PREP: variants seen among roughly 807,000 people sequenced by gnomAD.
The protein encoded by PREP is dJ355L5.1 (prolyl endopeptidase).
Under a neutral mutation model 87.6 loss-of-function variants are expected in PREP, and 29 were observed. That is an observed-to-expected ratio of 0.33 (90% CI 0.25 to 0.45). The LOEUF is 0.45. Ranked by LOEUF, PREP falls within the 20% of genes least tolerant of loss-of-function variation. The pLI is 1.00. For missense variants in PREP, 695 were observed against 886.5 expected (o/e 0.78, Z 2.74); for synonymous variants, 337 against 328.6 (o/e 1.03, Z -0.28).
At chr6:105,391,034 T>TACACACACACACACACACAC (rs59538588) in intron 2 of PREP, among the ~76,000 whole-genome samples, 15 of 141,340 alleles carry the variant, frequency 1.1e-4, no homozygotes, top group African/African-American at 3.9e-4. Flanking sequence ...TCTGGTTTTA[T>TACACACACACACACACACAC]ACACACACAC....
intron 10 of PREP, among the ~76,000 whole-genome samples, chr6:105,321,684 C>G (rs1317543562): frequency 6.6e-6 from 1 of 152,118 alleles, no homozygotes; most frequent in Non-Finnish European, 1.5e-5. Context: ...GAGATATTTC[C>G]CTGGAAGAAG....
At chr6:105,284,536 CT>C (rs1770149839) in intron 12 of PREP, among the ~76,000 whole-genome samples, 1 of 152,100 alleles carries the variant, frequency 6.6e-6, no homozygotes, top group Non-Finnish European at 1.5e-5. Context: ...GAGGAGACCC[CT>C]CTCACCTGGA....
chr6:105,373,523 G>T lies in PREP; in HGVS notation c.441C>A (p.Gly147=). The change falls in exon 5 of 15, where the codon GGC becomes GGA. Residue 147 remains glycine, a synonymous_variant. Transcript: ENST00000652536. The part of the protein sequence containing the change: ...EYFAYGLSAS[G]SDWVTIKFMK... ...TGAACTTGATTGTCACCCAGTCTGA[G>T]CCACTGGCACTCAGACCATAGGCAA... is the stretch of plus-strand genomic sequence containing the variant. The T allele has an allele frequency of 6.2e-7, 1 of 1,614,216 alleles. No homozygotes were observed.
At chr6:105,360,648 TAACTC>T (rs1415929206) in intron 6 of PREP, among the ~76,000 whole-genome samples, 6 of 152,350 alleles carry the variant, frequency 3.9e-5, no homozygotes, top group African/African-American at 7.2e-5. Flanking sequence ...ATTTTATACT[TAACTC>T]TATTAGGTTC....
chr6:105,367,597 G>A (rs1202847656), intron 6 of PREP, among the ~76,000 whole-genome samples: 2 of 151,232 alleles, frequency 1.3e-5, no homozygotes, highest in Admixed American at 6.6e-5. Context: ...GCGTGAACCC[G>A]GGAGGCAGAG....
intron 2 of PREP, among the ~76,000 whole-genome samples, chr6:105,386,603 G>A (rs1038131641): frequency 6.6e-6 from 1 of 152,258 alleles, no homozygotes; most frequent in Non-Finnish European, 1.5e-5. Flanking sequence ...AAACAACAGT[G>A]AGGCATCTAT....
chr6:105,323,513 GTGTT>G, intron 10 of PREP, 148 bp downstream of exon 10: 1 of 712,472 alleles, frequency 1.4e-6, no homozygotes, highest in East Asian at 2.7e-5. Context: ...TGAATCCTGA[GTGTT>G]TGGCTCAATG....
chr6:105,397,963 C>A, intron 1 of PREP, 36 bp from the exon 2 acceptor site: 1 of 1,437,454 alleles, frequency 7.0e-7, no homozygotes, highest in Non-Finnish European at 9.8e-7. Context: ...GATAATTACT[C>A]TCTAACCCCA....
Position 105,333,484 on chromosome 6 carries a change from A to G in PREP, c.845T>C (p.Leu282Pro). 1 of 1,614,172 alleles carries G rather than the reference A, an allele frequency of 6.2e-7. No homozygotes were observed. The highest frequency in any genetic ancestry group is 8.5e-7 in the Non-Finnish European group (1 of 1,180,016). Residue 282 changes from leucine (L) to proline (P), a missense_variant, in exon 8 of 15, where the codon CTG becomes CCG. Leu to Pro is a moderately conservative substitution (Grantham distance 98, BLOSUM62 -3). Transcript: ENST00000652536. ...GIAGILKWVK[L>P]IDNFEGEYDY... is the part of the protein sequence containing the mutation. Reference sequence around the variant, plus strand: ...ATATTCCCCTTCAAAGTTGTCAATCAGTTTTACCCACTTCAGGATTCCTGG... The same window carrying G: ...ATATTCCCCTTCAAAGTTGTCAATCGGTTTTACCCACTTCAGGATTCCTGG...
intron 6 of PREP, among the ~76,000 whole-genome samples, chr6:105,357,408 C>A (rs189217789): frequency 5.3e-5 from 8 of 152,324 alleles, no homozygotes; most frequent in Admixed American, 2.6e-4. Context: ...TCCAGCTGTG[C>A]TAAATAGCTG....
At chr6:105,342,742 G>A (rs933187942) in intron 7 of PREP, among the ~76,000 whole-genome samples, 2 of 142,666 alleles carry the variant, frequency 1.4e-5, no homozygotes, top group East Asian at 2.0e-4. Flanking sequence ...ACCAATAACA[G>A]ACAGAGAGCC....
intron 2 of PREP, among the ~76,000 whole-genome samples, chr6:105,386,232 C>T (rs894518953): frequency 9.9e-5 from 15 of 152,210 alleles, no homozygotes; most frequent in Non-Finnish European, 2.2e-4. Context: ...TACGCACTGC[C>T]TTCCTATGAA....
At chr6:105,311,336 G>A (rs1770756456) in intron 10 of PREP, among the ~76,000 whole-genome samples, 1 of 152,038 alleles carries the variant, frequency 6.6e-6, no homozygotes, top group Admixed American at 6.6e-5. Context: ...CCTTCCCCCT[G>A]CCCTTCATCC....
At chr6:105,352,367 G>A (rs1366113970) in intron 7 of PREP, among the ~76,000 whole-genome samples, 1 of 152,108 alleles carries the variant, frequency 6.6e-6, no homozygotes, top group Non-Finnish European at 1.5e-5. Flanking sequence ...TAACTGGCTG[G>A]TTCTATGCTT....
intron 7 of PREP, among the ~76,000 whole-genome samples, chr6:105,338,318 T>C (rs1246651939): frequency 6.6e-6 from 1 of 152,232 alleles, no homozygotes; most frequent in Non-Finnish European, 1.5e-5. Context: ...CACTAAAGTA[T>C]GCACCAAAGG....
At position 105,373,545 on chromosome 6, in the gene PREP, G is replaced by A; in HGVS notation, c.419C>T (p.Ala140Val). ...YAFSEDGEYFAYGLSASGSDW... is the reference protein window; with the variant it reads ...YAFSEDGEYFVYGLSASGSDW... ...TGAGCCACTGGCACTCAGACCATAGGCAAAATATTCACCATCTTCGCTGAA... is the reference window on the plus strand; with the variant it reads ...TGAGCCACTGGCACTCAGACCATAGACAAAATATTCACCATCTTCGCTGAA... Residue 140 changes from alanine to valine, a missense_variant, in exon 5 of 15, where the codon GCC (alanine) becomes GTC (valine). Physicochemically the swap from Ala to Val is moderately conservative, Grantham distance 64 (BLOSUM62 0). This residue lies in a region of PREP where 517 missense variants were observed against 620.3 expected (regional missense o/e 0.83). Transcript: ENST00000652536. The A allele has an allele frequency of 4.3e-6, 7 of 1,614,162 alleles. No individual in the cohort carries two copies. Among genetic ancestry groups the A allele is most frequent in the Non-Finnish European group, 5.9e-6 (7 of 1,180,016 alleles).
intron 10 of PREP, among the ~76,000 whole-genome samples, chr6:105,308,386 G>C (rs574280207): frequency 1.3e-5 from 2 of 152,240 alleles, no homozygotes; most frequent in South Asian, 4.1e-4. Context: ...GTGTACACAT[G>C]CAACAACCTA....
chr6:105,292,376 T>C (rs532076733), intron 10 of PREP, among the ~76,000 whole-genome samples: 28 of 152,208 alleles, frequency 1.8e-4, no homozygotes, highest in Non-Finnish European at 3.1e-4. Context: ...ATTCACCTCC[T>C]TGTACAGCTC....
rs1769973976 is a variant in PREP, at chr6:105,277,669, C to CCACTT, written c.*470_*474dup. ...AAATGCTTTATTCTCACAGAAAACTCCACTTCTGGAGTTGCCCCTCAATAT... is the reference window on the plus strand; with the variant it reads ...AAATGCTTTATTCTCACAGAAAACTCCACTTCACTTCTGGAGTTGCCCCTCAATAT... On this transcript the variant is annotated 3_prime_UTR_variant, in exon 15 of 15. Coordinates refer to ENST00000652536, the MANE Select transcript of PREP (RefSeq NM_002726.5). 6.4e-6 allele frequency: 1 copy of CCACTT among 156,166 alleles called. No homozygotes were observed. The highest frequency in any genetic ancestry group is 2.0e-4 in the South Asian group (1 of 5,124). The allele number at this position is 156,166 out of a possible 1,614,324, so 9.7% of individuals were successfully genotyped here.
Sources: allele counts gnomAD v4.1 joint callset (sites outside exome capture counted in the v4.1 genomes callset), GRCh38; gene constraint gnomAD v4.1.1; regional missense constraint gnomAD v4.1.1; transcripts MANE v1.5; gene names NCBI Gene and HGNC (gene_info 2026-07-23, HGNC 2026-07-21).